Variants in ZNF124 observed in about 807,000 individuals in gnomAD.
The protein encoded by ZNF124 is zinc finger protein HZF-16.
A neutral mutation model predicts 26.6 loss-of-function variants in ZNF124; 25 were observed. The ratio of observed to expected loss-of-function variants is 0.94; its 90% CI spans 0.68 to 1.31. The LOEUF is 1.31. ZNF124 is among the 40% of genes most tolerant of loss of function. The pLI is 0.00. For synonymous variants in ZNF124, 129 were observed against 133.3 expected (o/e 0.97, Z 0.22); for missense variants, 444 against 422.2 (o/e 1.05, Z -0.45).
intron 3 of ZNF124, among the ~76,000 whole-genome samples, chr1:247,134,128 TG>T (rs1325830744): frequency 6.6e-6 from 1 of 152,086 alleles, no homozygotes; most frequent in African/African-American, 2.4e-5. Flanking sequence ...AAGAAAAAAC[TG>T]GTACCAGCCA....
chr1:247,142,409 G>C (rs1672651405), intron 3 of ZNF124, among the ~76,000 whole-genome samples: 1 of 152,074 alleles, frequency 6.6e-6, no homozygotes, highest in African/African-American at 2.4e-5. Flanking sequence ...GATGTCTTTT[G>C]GCTGTCTTAT....
At chr1:247,150,844 G>T (rs994376627), downstream of ZNF124, among the ~76,000 whole-genome samples, 3 of 151,372 alleles carry the variant, frequency 2.0e-5, no homozygotes, top group Admixed American at 6.6e-5. Flanking sequence ...GGCCTTAAGA[G>T]AAATATTTCT....
chr1:247,136,202 G>C (rs1672480013), intron 3 of ZNF124, among the ~76,000 whole-genome samples: 1 of 152,164 alleles, frequency 6.6e-6, no homozygotes, highest in South Asian at 2.1e-4. Flanking sequence ...AAAATAGGAA[G>C]AGAGGAAGTC....
intron 3 of ZNF124, among the ~76,000 whole-genome samples, chr1:247,138,947 A>G (rs550197301): frequency 6.6e-6 from 1 of 152,352 alleles, no homozygotes; most frequent in African/African-American, 2.4e-5. Flanking sequence ...TGGAGAGGCT[A>G]GTCAGAAACT....
intron 3 of ZNF124, among the ~76,000 whole-genome samples, chr1:247,130,944 C>T (rs374774640): frequency 3.9e-4 from 60 of 152,246 alleles, no homozygotes; most frequent in African/African-American, 1.4e-3. Context: ...GGCGTGGTGG[C>T]GTATGCCTGT....
chr1:247,133,653 C>CTTT (rs1163588323), intron 3 of ZNF124, among the ~76,000 whole-genome samples: 1,304 of 127,162 alleles, frequency 0.01, 50 homozygotes, highest in African/African-American at 0.036. Flanking sequence ...ATTCAATATT[C>CTTT]TTTTTTTTTT....
intron 3 of ZNF124, among the ~76,000 whole-genome samples, chr1:247,146,445 T>A (rs1430817672): frequency 1.3e-5 from 2 of 152,092 alleles, no homozygotes; most frequent in Non-Finnish European, 1.5e-5. Context: ...CAGCCCTCCT[T>A]GAGTTTGGAT....
At chr1:247,153,593 T>G (rs1673008526), downstream of ZNF124, among the ~76,000 whole-genome samples, 1 of 152,208 alleles carries the variant, frequency 6.6e-6, no homozygotes, top group Admixed American at 6.5e-5. Context: ...TTTCTACTCA[T>G]GTAAAGTTAC....
chr1:247,134,895 G>A (rs545091258), intron 3 of ZNF124, among the ~76,000 whole-genome samples: 1 of 152,158 alleles, frequency 6.6e-6, no homozygotes, highest in East Asian at 1.9e-4. Context: ...AATCATAATA[G>A]TCTCTCGGAC....
intron 3 of ZNF124, among the ~76,000 whole-genome samples, chr1:247,149,555 G>A (rs556522769): frequency 6.6e-6 from 1 of 152,314 alleles, no homozygotes; most frequent in Admixed American, 6.5e-5. Flanking sequence ...TATGAAGCTG[G>A]AGAATATTAA....
downstream of ZNF124, among the ~76,000 whole-genome samples, chr1:247,151,868 C>T (rs969607303): frequency 6.6e-6 from 1 of 150,912 alleles, no homozygotes; most frequent in African/African-American, 2.4e-5. Flanking sequence ...CTCAAAACAA[C>T]CTACTGGATT....
chr1:247,136,704 T>G (rs1008869330), intron 3 of ZNF124, among the ~76,000 whole-genome samples: 1 of 152,126 alleles, frequency 6.6e-6, no homozygotes. Context: ...CCCAGCACTT[T>G]AGGAGGCCAA....
intron 2 of ZNF124, among the ~76,000 whole-genome samples, 198 bp downstream of exon 2, chr1:247,159,489 G>T (rs1206915671): frequency 6.6e-6 from 1 of 152,088 alleles, no homozygotes; most frequent in Non-Finnish European, 1.5e-5. Flanking sequence ...AACTATTTTT[G>T]TAAATTACCC....
downstream of ZNF124, among the ~76,000 whole-genome samples, chr1:247,152,754 C>T (rs1672980949): frequency 6.6e-6 from 1 of 152,146 alleles, no homozygotes; most frequent in African/African-American, 2.4e-5. Context: ...CTGTCAGTTT[C>T]TTGTAATGTT....
rs114514681 is a variant in ZNF124 at position 247,169,218 on chromosome 1, G to C, written c.30+2630C>G. 1.7e-3 allele frequency among the ~76,000 whole-genome samples: 257 copies of C among 152,230 alleles called. 1 individual carries two copies. The highest frequency in any genetic ancestry group is 6.1e-3 in the African/African-American group (253 of 41,538). On this transcript the variant is annotated intron_variant, in intron 1 of 3. Transcript: ENST00000543802. ...GAGGAGCAGCGCTAACTGGAACACA[G>C]ATATGTTTGACTCACATGTCAAGTA...
Position 247,135,367 on chromosome 1 carries a change from C to A in ZNF124, c.219-11496G>T, listed in dbSNP as rs891105374. On this transcript the variant is annotated intron_variant, in intron 3 of 3. Coordinates refer to the ZNF124 transcript ENST00000472531. The stretch of plus-strand genomic sequence containing the variant: ...GATAAAGGGAGTTATCACCACTGAC[C>A]CCACAGAAATAAAAACTACCATCAG... Among the ~76,000 whole-genome samples, 4 of 151,830 alleles carry A rather than the reference C, an allele frequency of 2.6e-5. No homozygotes were observed. In the East Asian group the frequency reaches 7.7e-4, roughly 29 times the overall value.
chr1:247,167,988 CATA>C (rs1031282831), intron 1 of ZNF124, among the ~76,000 whole-genome samples: 6 of 152,190 alleles, frequency 3.9e-5, no homozygotes, highest in Admixed American at 3.9e-4. Context: ...AAATTAAAAC[CATA>C]ATGAGATACC....
intron 3 of ZNF124, among the ~76,000 whole-genome samples, chr1:247,157,893 C>T (rs1271936604): frequency 6.6e-6 from 1 of 151,320 alleles, no homozygotes; most frequent in Non-Finnish European, 1.5e-5. Flanking sequence ...ACATAAGTGG[C>T]ACTGTTGTGG....
At chr1:247,143,125 GCT>G (rs1212546777) in intron 3 of ZNF124, among the ~76,000 whole-genome samples, 2 of 152,132 alleles carry the variant, frequency 1.3e-5, no homozygotes, top group Non-Finnish European at 2.9e-5. Context: ...AGAATCCTCA[GCT>G]CTTTGTGTAG....
Sources: gnomAD v4.1 joint callset for allele counts (sites outside exome capture counted in the v4.1 genomes callset) on GRCh38, gnomAD v4.1.1 for gene constraint, MANE v1.5 for transcripts, NCBI Gene and HGNC (gene_info 2026-07-23, HGNC 2026-07-21) for gene names.